Variants in TRMT9B observed in about 807,000 individuals in gnomAD.
TRMT9B encodes probable tRNA methyltransferase 9B.
Under a neutral mutation model 11.5 loss-of-function variants are expected in TRMT9B, and 16 were observed. The ratio of observed to expected loss-of-function variants is 1.39; its 90% confidence interval spans 0.94 to 2.11. The LOEUF is 2.11. Among genes scored for constraint, TRMT9B ranks in the 30% most tolerant of loss-of-function variants. The probability of loss-of-function intolerance (pLI) is 0.00; values close to 1 mark genes in which losing one functional copy is unlikely to be tolerated. For synonymous variants in TRMT9B, 274 were observed against 192.4 expected, an observed-to-expected ratio of 1.42 and a Z score of -3.51; for missense variants, 941 against 553.8, an observed-to-expected ratio of 1.70 and a Z score of -7.02.
In TRMT9B at chr8:12,946,168, G is replaced by T. The variant is rs141265938; in HGVS notation, c.-200+202G>T. On this transcript the variant is annotated intron_variant, in intron 1 of 4. Transcript: ENST00000524591. ...CTTTATACAAAGGTTAGTGATAAAT[G>T]TAAGAAGCATCTAGATCAAGAACTG... is the stretch of plus-strand genomic sequence containing the variant. Among the ~76,000 whole-genome samples, 204 of 152,302 alleles carry T rather than the reference G, an allele frequency of 1.3e-3. 1 individual carries two copies. The highest frequency in any genetic ancestry group is 4.7e-3 in the African/African-American group (197 of 41,568).
intron 1 of TRMT9B, among the ~76,000 whole-genome samples, chr8:12,988,597 C>G (rs1346959934): frequency 6.6e-6 from 1 of 152,052 alleles, no homozygotes. Flanking sequence ...GGAGAAGTGC[C>G]AAGCAAAAGG....
Position 13,008,883 on chromosome 8 carries a change from C to G in TRMT9B, c.154+2527C>G, listed in dbSNP as rs187981130. Among the ~76,000 whole-genome samples the G allele has an allele frequency of 1.5e-3, 227 of 152,270 alleles. 1 individual carries two copies. Among genetic ancestry groups the G allele is most frequent in the African/African-American group, 4.7e-3 (196 of 41,566 alleles). ...AGCTGGGACTACAGTTGCCCGCCACCACGCCCAGCTAATTTTTTGTATTTT... is the reference window on the plus strand; with the variant it reads ...AGCTGGGACTACAGTTGCCCGCCACGACGCCCAGCTAATTTTTTGTATTTT... On this transcript the variant is annotated intron_variant, in intron 3 of 4. Transcript: ENST00000524591.
intron 1 of TRMT9B, among the ~76,000 whole-genome samples, chr8:12,953,751 C>A (rs1349791218): frequency 6.6e-6 from 1 of 152,144 alleles, no homozygotes; most frequent in Admixed American, 6.5e-5. Context: ...TAGAGTTGCT[C>A]ATAGCAAGAA....
At chr8:12,984,755 G>T (rs542716084) in intron 1 of TRMT9B, among the ~76,000 whole-genome samples, 4 of 151,972 alleles carry the variant, frequency 2.6e-5, no homozygotes, top group Non-Finnish European at 5.9e-5. Context: ...CTTCACTCTC[G>T]TGTTTGATTT....
intron 1 of TRMT9B, chr8:12,952,470 G>T (rs536288117): frequency 1.6e-5 from 4 of 256,498 alleles, no homozygotes; most frequent in East Asian, 1.3e-4. Context: ...GTAAGGGATT[G>T]CGGGATGTGC....
At chr8:12,948,610 A>C (rs947160529) in intron 1 of TRMT9B, among the ~76,000 whole-genome samples, 1 of 151,024 alleles carries the variant, frequency 6.6e-6, no homozygotes, top group Non-Finnish European at 1.5e-5. Context: ...ATAAAATGTA[A>C]TGATAAAGAA....
intron 1 of TRMT9B, among the ~76,000 whole-genome samples, chr8:12,983,740 C>A (rs184637565): frequency 6.6e-5 from 10 of 152,110 alleles, no homozygotes; most frequent in Admixed American, 5.2e-4. Context: ...CTTTTTGGTC[C>A]CTCAACTGCT....
At chr8:13,015,796 A>T (rs1251199606) in intron 4 of TRMT9B, among the ~76,000 whole-genome samples, 2 of 152,132 alleles carry the variant, frequency 1.3e-5, no homozygotes, top group Non-Finnish European at 2.9e-5. Flanking sequence ...TTCAGTTTAC[A>T]TCTCATGCCT....
chr8:12,989,117 A>G (rs1476571520), intron 1 of TRMT9B, among the ~76,000 whole-genome samples: 1 of 152,012 alleles, frequency 6.6e-6, no homozygotes, highest in African/African-American at 2.4e-5. Flanking sequence ...CCCCTGAGCC[A>G]TGGTTTGTGG....
In TRMT9B at chr8:13,023,686, G is replaced by T. The variant is rs935411304; in HGVS notation, c.*1642G>T. ...AGAGTCTTTTTACTTTATGCTGGAT[G>T]AAAATCCAAATCTTGTTTTATTTTT... On this transcript the variant is annotated 3_prime_UTR_variant, in exon 5 of 5. Transcript: ENST00000524591. The T allele has an allele frequency of 2.4e-5, 4 of 167,030 alleles. No homozygotes were observed. The highest frequency in any genetic ancestry group is 7.2e-5 in the African/African-American group (3 of 41,456). 10.3% of individuals were successfully genotyped at this position (167,030 alleles called of 1,614,324 possible). A position where few individuals can be genotyped will look rare whatever the true frequency, so the allele number is the denominator to read the frequency against.
chr8:13,012,941 T>A (rs1246917414), intron 4 of TRMT9B, 84 bp downstream of exon 4: 2 of 1,465,486 alleles, frequency 1.4e-6, no homozygotes, highest in Non-Finnish European at 1.8e-6. Flanking sequence ...CAACATCCGT[T>A]CTGTGTAGAA....
At chr8:13,006,594 T>C in intron 3 of TRMT9B, 1 of 1,404,676 alleles carries the variant, frequency 7.1e-7, no homozygotes, top group Non-Finnish European at 9.2e-7. Context: ...TGCCAGTACC[T>C]AGAATATTCA....
chr8:12,963,797 T>C (rs2128864400), intron 1 of TRMT9B, among the ~76,000 whole-genome samples: 1 of 152,362 alleles, frequency 6.6e-6, no homozygotes, highest in South Asian at 2.1e-4. Flanking sequence ...GTGCAATGGC[T>C]ACTTTCATTT....
intron 1 of TRMT9B, among the ~76,000 whole-genome samples, chr8:12,973,271 G>T (rs2128869455): frequency 6.6e-6 from 1 of 152,186 alleles, no homozygotes; most frequent in South Asian, 2.1e-4. Context: ...ATTTTTTTTG[G>T]CATGCTCTGG....
intron 1 of TRMT9B, among the ~76,000 whole-genome samples, chr8:12,985,915 C>T (rs1806216455): frequency 6.6e-6 from 1 of 152,012 alleles, no homozygotes; most frequent in African/African-American, 2.4e-5. Context: ...GGCTTGAGTG[C>T]TGTGGCGTGA....
At chr8:13,014,721 A>G (rs979179583) in intron 4 of TRMT9B, among the ~76,000 whole-genome samples, 2 of 152,154 alleles carry the variant, frequency 1.3e-5, no homozygotes, top group Non-Finnish European at 2.9e-5. Flanking sequence ...TCTTTAGTGG[A>G]AAAAGGTTTT....
In TRMT9B at chr8:13,022,735, T is replaced by G. The variant is rs1814160266; in HGVS notation, c.*691T>G. 6.0e-6 allele frequency: 1 copy of G among 167,160 alleles called. No homozygotes were observed. The highest frequency in any genetic ancestry group is 1.5e-5 in the Non-Finnish European group (1 of 68,244). The allele number at this position is 167,160 out of a possible 1,614,324, so 10.4% of individuals were successfully genotyped here. A position where few individuals can be genotyped will look rare whatever the true frequency, so the allele number is the denominator to read the frequency against. On this transcript the variant is annotated 3_prime_UTR_variant, in exon 5 of 5. Coordinates refer to ENST00000524591, the MANE Select transcript of TRMT9B (RefSeq NM_020844.3). Reference sequence around the variant, plus strand: ...GGCTGAGCATGGTGGCTCATGCCTGTAATCCCAGCACTTTGGGAGGCCAAG... The same window carrying G: ...GGCTGAGCATGGTGGCTCATGCCTGGAATCCCAGCACTTTGGGAGGCCAAG...
At chr8:13,019,347 A>C (rs550969600) in intron 4 of TRMT9B, among the ~76,000 whole-genome samples, 24 of 152,222 alleles carry the variant, frequency 1.6e-4, no homozygotes, top group Non-Finnish European at 2.8e-4. Flanking sequence ...ACTGGACTGC[A>C]GTGGCATGAT....
Position 13,026,988 on chromosome 8 carries a change from T to G in TRMT9B, c.*4944T>G, listed in dbSNP as rs1025527398. On this transcript the variant is annotated 3_prime_UTR_variant, in exon 5 of 5. Transcript: ENST00000524591. Reference sequence around the variant, plus strand: ...ATTTGTAAATCTGTTTCGATTTGATTTGAATTAAAAAATAGTTCTTGGTTG... The same window carrying G: ...ATTTGTAAATCTGTTTCGATTTGATGTGAATTAAAAAATAGTTCTTGGTTG... 1 of 167,260 alleles carries G rather than the reference T, an allele frequency of 6.0e-6. No homozygotes were observed. Among genetic ancestry groups the G allele is most frequent in the Admixed American group, 6.5e-5 (1 of 15,312 alleles). 10.4% of individuals were successfully genotyped at this position (167,260 alleles called of 1,614,324 possible).
Sources: allele counts gnomAD v4.1 joint callset (sites outside exome capture counted in the v4.1 genomes callset), GRCh38; gene constraint gnomAD v4.1.1; transcripts MANE v1.5; gene names NCBI Gene and HGNC (gene_info 2026-07-23, HGNC 2026-07-21).